MACROD1: variants seen among roughly 807,000 people sequenced by gnomAD.
MACROD1 encodes mono-ADP ribosylhydrolase 1.
In MACROD1, 31 loss-of-function variants were observed where a neutral mutation model predicts 41.4. The ratio of observed to expected loss-of-function variants is 0.75; its 90% CI spans 0.56 to 1.01. The LOEUF (loss-of-function observed/expected upper bound fraction) is 1.01. Ranked by LOEUF, MACROD1 falls within the 50% of genes least tolerant of loss-of-function variation. The probability of loss-of-function intolerance (pLI) is 0.00; values close to 1 mark genes in which losing one functional copy is unlikely to be tolerated. For missense variants in MACROD1, 473 were observed against 460.0 expected (o/e 1.03, Z -0.26); for synonymous variants, 252 against 203.4 (o/e 1.24, Z -2.03).
chr11:64,004,003 G>A (rs1489543857), intron 4 of MACROD1, among the ~76,000 whole-genome samples: 2 of 152,182 alleles, frequency 1.3e-5, no homozygotes, highest in Non-Finnish European at 1.5e-5. Flanking sequence ...TCCTCAGGCC[G>A]CTCCTCAAAT....
intron 3 of MACROD1, among the ~76,000 whole-genome samples, chr11:64,078,667 C>T (rs964448171): frequency 8.5e-5 from 13 of 152,164 alleles, no homozygotes; most frequent in Non-Finnish European, 1.5e-4. Context: ...CAAATATGTG[C>T]TCTTCACCGA....
intron 1 of MACROD1, among the ~76,000 whole-genome samples, chr11:64,154,250 C>G (rs1365664626): frequency 6.6e-6 from 1 of 152,182 alleles, no homozygotes; most frequent in Non-Finnish European, 1.5e-5. Flanking sequence ...GCATGCAAAA[C>G]AGAACGTTTG....
At chr11:64,015,221 C>T (rs537238027) in intron 4 of MACROD1, 31 bp downstream of exon 4, 1 of 1,576,462 alleles carries the variant, frequency 6.3e-7, no homozygotes, top group South Asian at 1.2e-5. Flanking sequence ...ATGCCACACC[C>T]CACCCCCACC....
At chr11:64,126,046 T>C (rs1945175165) in intron 3 of MACROD1, among the ~76,000 whole-genome samples, 1 of 152,182 alleles carries the variant, frequency 6.6e-6, no homozygotes, top group African/African-American at 2.4e-5. Context: ...AACGCAGGCT[T>C]GCAATGTTCT....
intron 3 of MACROD1, among the ~76,000 whole-genome samples, chr11:64,031,685 C>T (rs1467661071): frequency 6.6e-6 from 1 of 152,084 alleles, no homozygotes; most frequent in Non-Finnish European, 1.5e-5. Context: ...GCCATGTTGG[C>T]CAGGCTGGTC....
chr11:64,093,271 G>A (rs1304957925), intron 3 of MACROD1, among the ~76,000 whole-genome samples: 1 of 152,234 alleles, frequency 6.6e-6, no homozygotes, highest in African/African-American at 2.4e-5. Context: ...TCAGCTCTGT[G>A]TGCCTGGGCC....
At chr11:64,163,196 T>G (rs1945783922) in intron 1 of MACROD1, among the ~76,000 whole-genome samples, 1 of 151,628 alleles carries the variant, frequency 6.6e-6, no homozygotes, top group Non-Finnish European at 1.5e-5. Flanking sequence ...TCCCAGCTAC[T>G]CAGGAGGCTG....
At chr11:64,164,639 G>C (rs1011669097) in intron 1 of MACROD1, among the ~76,000 whole-genome samples, 1 of 152,242 alleles carries the variant, frequency 6.6e-6, no homozygotes, top group Non-Finnish European at 1.5e-5. Flanking sequence ...ATTCATGTCA[G>C]GAGTAAATCA....
At position 64,006,470 on chromosome 11, in the gene MACROD1, C is replaced by T. The variant is rs547245395; in HGVS notation, c.548-6127G>A. 7.9e-5 allele frequency among the ~76,000 whole-genome samples: 12 copies of T among 152,304 alleles called. No homozygotes were observed. In the South Asian group the frequency reaches 1.0e-3, roughly 13 times the overall value. On this transcript the variant is annotated intron_variant, in intron 4 of 10. Coordinates refer to ENST00000255681, the MANE Select transcript of MACROD1 (RefSeq NM_014067.4). ...GTGCCCGGGGGAGAAGATGGATGGA[C>T]GACAGTTCTGTGATGAGATCTGAAA... is the stretch of plus-strand genomic sequence containing the variant.
At chr11:64,035,417 A>T (rs1030005543) in intron 3 of MACROD1, among the ~76,000 whole-genome samples, 2 of 152,038 alleles carry the variant, frequency 1.3e-5, no homozygotes, top group African/African-American at 4.8e-5. Context: ...GAATGAATGG[A>T]TGGCTGGAGG....
intron 3 of MACROD1, among the ~76,000 whole-genome samples, chr11:64,144,092 A>G (rs1399860605): frequency 1.4e-5 from 2 of 145,096 alleles, no homozygotes; most frequent in Non-Finnish European, 1.5e-5. Flanking sequence ...AGCCCCCCCA[A>G]CTCAGGCCCC....
intron 8 of MACROD1, 24 bp from the exon 9 acceptor site, chr11:63,999,060 G>A (rs1942768543): frequency 6.3e-7 from 1 of 1,579,830 alleles, no homozygotes; most frequent in Non-Finnish European, 8.6e-7. Context: ...TGCTCAGCCT[G>A]GGCCGAGCTG....
intron 3 of MACROD1, among the ~76,000 whole-genome samples, chr11:64,143,109 C>CA (rs1171308660): frequency 4.4e-4 from 4 of 9,166 alleles, no homozygotes; most frequent in Non-Finnish European, 5.9e-4. Flanking sequence ...GTGACCCTGT[C>CA]AAAAAAAAGG....
chr11:64,161,390 A>C (rs1005441438), intron 1 of MACROD1, among the ~76,000 whole-genome samples: 1 of 152,202 alleles, frequency 6.6e-6, no homozygotes, highest in Non-Finnish European at 1.5e-5. Flanking sequence ...CCAAGTGAAA[A>C]GAGGCGACTT....
intron 3 of MACROD1, among the ~76,000 whole-genome samples, chr11:64,027,298 G>A (rs148070835): frequency 2.0e-5 from 3 of 152,318 alleles, no homozygotes; most frequent in African/African-American, 7.2e-5. Flanking sequence ...GAGCAGCAGG[G>A]TTGGTCTTGC....
Position 63,999,530 on chromosome 11 carries a change from C to T in MACROD1, c.817G>A (p.Gly273Ser), listed in dbSNP as rs202142014. 1.9e-6 allele frequency: 3 copies of T among 1,608,010 alleles called. No homozygotes were observed. The highest frequency in any genetic ancestry group is 4.5e-5 in the East Asian group (2 of 44,692). ...GTCCTTGCCTTTCTTCCAGACTCAC[C>T]AAACACGCCGGTGGAGATGCAGGGG... ...AFPCISTGVF[G>S]YPCEAAAEIV... The change falls in exon 7 of 11, where the codon GGC (glycine) becomes AGC (serine). Residue 273 changes from glycine (G) to serine (S), a missense_variant and splice_region_variant. Coordinates refer to ENST00000255681, the MANE Select transcript of MACROD1 (RefSeq NM_014067.4).
At chr11:64,149,534 C>T (rs568257647) in intron 3 of MACROD1, among the ~76,000 whole-genome samples, 67 of 152,336 alleles carry the variant, frequency 4.4e-4, no homozygotes, top group Middle Eastern at 6.8e-3. Context: ...GCCTCCGGAG[C>T]GCCCCCATTC....
At chr11:64,140,556 G>T (rs897771658) in intron 3 of MACROD1, among the ~76,000 whole-genome samples, 1 of 152,222 alleles carries the variant, frequency 6.6e-6, no homozygotes, top group Non-Finnish European at 1.5e-5. Context: ...GGGATGCCCG[G>T]TTCAGCGGGT....
At chr11:64,125,718 T>A (rs1393590681) in intron 3 of MACROD1, among the ~76,000 whole-genome samples, 2 of 152,204 alleles carry the variant, frequency 1.3e-5, no homozygotes, top group African/African-American at 2.4e-5. Flanking sequence ...TGCCCCAACC[T>A]GTGTCAGTAA....
Sources: allele counts gnomAD v4.1 joint callset (sites outside exome capture counted in the v4.1 genomes callset), GRCh38; gene constraint gnomAD v4.1.1; transcripts MANE v1.5; gene names NCBI Gene and HGNC (gene_info 2026-07-23, HGNC 2026-07-21).